PRRT1: variants seen among roughly 807,000 people sequenced by gnomAD.
PRRT1 encodes the protein proline rich transmembrane protein 1.
In PRRT1, 8 loss-of-function variants were observed where a neutral mutation model predicts 22.6. The ratio of observed to expected loss-of-function variants is 0.35; its 90% CI spans 0.21 to 0.64. PRRT1 has a LOEUF of 0.64. PRRT1 is among the 30% of genes least tolerant of loss of function. PRRT1 has a pLI of 0.69. For synonymous variants in PRRT1, 176 were observed against 203.6 expected (o/e 0.86, Z 1.15); for missense variants, 315 against 444.5 (o/e 0.71, Z 2.62).
Position 32,150,225 on chromosome 6 carries a change from C to T in PRRT1, c.558+143G>A, listed in dbSNP as rs1420807419. 5.7e-6 allele frequency: 6 copies of T among 1,050,292 alleles called. No individual in the cohort carries two copies. Among genetic ancestry groups the T allele is most frequent in the Non-Finnish European group, 7.7e-6 (6 of 777,076 alleles). 65.1% of individuals were successfully genotyped at this position (1,050,292 alleles called of 1,614,324 possible). On this transcript the variant is annotated intron_variant, in intron 2 of 3. Transcript: ENST00000211413. The surrounding 1 kb of genome is among the most constrained non-coding windows in gnomAD (Gnocchi z 7.2). ...TCCCTAGTCCTTCCTGTCTCAGGCTCCCTTCTTTCTAGGGCTTGTCCCGGG... is the reference window on the plus strand; with the variant it reads ...TCCCTAGTCCTTCCTGTCTCAGGCTTCCTTCTTTCTAGGGCTTGTCCCGGG...
intron 1 of PRRT1, chr6:32,151,162 C>T: frequency 1.5e-6 from 1 of 688,744 alleles, no homozygotes; most frequent in Middle Eastern, 3.5e-4. Context: ...CTGTCTTTTT[C>T]ATCACCATGC....
upstream of PRRT1, chr6:32,152,248 A>C (rs1369506825): frequency 3.9e-6 from 2 of 518,758 alleles, no homozygotes; most frequent in Non-Finnish European, 7.4e-6. Context: ...TGTGGGAGGA[A>C]GTGAACAGGT....
Position 32,149,115 on chromosome 6 carries a change from A to G in PRRT1, c.*107T>C. Reference sequence around the variant, plus strand: ...GGAGTTTACGATGTATCCAAGTCTGACGGCCCCAGAAACGGGTGTGCAGGG... The same window carrying G: ...GGAGTTTACGATGTATCCAAGTCTGGCGGCCCCAGAAACGGGTGTGCAGGG... On this transcript the variant is annotated 3_prime_UTR_variant, in exon 4 of 4. Transcript: ENST00000211413. The surrounding 1 kb of genome is among the most constrained non-coding windows in gnomAD (Gnocchi z 8.7). 8.5e-7 allele frequency: 1 copy of G among 1,181,654 alleles called. No homozygotes were observed. Among genetic ancestry groups the G allele is most frequent in the Non-Finnish European group, 1.2e-6 (1 of 804,936 alleles). 73.2% of individuals were successfully genotyped at this position (1,181,654 alleles called of 1,614,324 possible). A position where few individuals can be genotyped will look rare whatever the true frequency, so the allele number is the denominator to read the frequency against.
chr6:32,149,278 G>C lies in PRRT1; in HGVS notation c.865C>G (p.Leu289Val). 1 of 1,611,758 alleles carries C rather than the reference G, an allele frequency of 6.2e-7. No homozygotes were observed. Among genetic ancestry groups the C allele is most frequent in the Non-Finnish European group, 8.5e-7 (1 of 1,179,750 alleles). ...GCGGCGATGATGATGACTACGGTGA[G>C]GATGGTACAGAGCACCATGGCCGCG... ...GIAAMVLCTI[L>V]TVVIIIAAQH... Residue 289 changes from leucine to valine, a missense_variant, in exon 4 of 4, where the codon CTC (leucine) becomes GTC (valine). By Grantham distance (32) the Leu-to-Val change is conservative. Transcript: ENST00000211413. The surrounding 1 kb of genome is among the most constrained non-coding windows in gnomAD (Gnocchi z 8.7).
Position 32,150,813 on chromosome 6 carries a change from G to A in PRRT1, c.113C>T (p.Pro38Leu). 6.3e-7 allele frequency: 1 copy of A among 1,575,452 alleles called. No individual in the cohort carries two copies. The highest frequency in any genetic ancestry group is 1.2e-5 in the South Asian group (1 of 85,844). ...EPPAPPPQAA[P>L]SSHHHHHHHY... ...GTGGTGGTGGTGATGGTGTGAGGAA[G>A]GGGCTGCCTGTGGCGGTGGGGCTGG... The change falls in exon 2 of 4, where the codon CCT (proline) becomes CTT (leucine). Residue 38 changes from proline (P) to leucine (L), a missense_variant. Pro to Leu is a moderately conservative substitution (Grantham distance 98). Around this residue, in one of 4 missense-constraint regions of PRRT1, gnomAD observed 263 missense variants for 328.5 expected, o/e 0.80. Transcript: ENST00000211413. This position sits in a 1 kb window ranked among gnomAD's most constrained non-coding sequence, Gnocchi z 7.2.
In PRRT1 at chr6:32,149,434, C is replaced by T. The variant is rs1234703454; in HGVS notation, c.745-36G>A. The T allele has an allele frequency of 6.3e-7, 1 of 1,593,892 alleles. No homozygotes were observed. Among genetic ancestry groups the T allele is most frequent in the East Asian group, 2.2e-5 (1 of 44,474 alleles). On this transcript the variant is annotated intron_variant, in intron 3 of 3. Coordinates refer to ENST00000211413, the MANE Select transcript of PRRT1 (RefSeq NM_030651.4). This position sits in a 1 kb window ranked among gnomAD's most constrained non-coding sequence, Gnocchi z 8.7. ...GGGGTGGGGGAAGGAGGTCAAAGAGCTGCGGCCTCGTTCGAACGCCTCAGC... is the reference window on the plus strand; with the variant it reads ...GGGGTGGGGGAAGGAGGTCAAAGAGTTGCGGCCTCGTTCGAACGCCTCAGC...
chr6:32,150,966 A>T lies in PRRT1; in HGVS notation c.20-60T>A. 1 of 1,341,300 alleles carries T rather than the reference A, an allele frequency of 7.5e-7. No homozygotes were observed. The allele number at this position is 1,341,300 out of a possible 1,614,324, so 83.1% of individuals were successfully genotyped here. ...AAGATGACACAGTGATGAGTTGAGG[A>T]GGGGGTAAGGGGAAACACAGCCGGT... On this transcript the variant is annotated intron_variant, in intron 1 of 3. Transcript: ENST00000211413. This position sits in a 1 kb window ranked among gnomAD's most constrained non-coding sequence, Gnocchi z 7.2.
chr6:32,149,387 G>A lies in PRRT1; in HGVS notation c.756C>T (p.Ala252=), dbSNP rs1783134092. ...CCGACACCATGTCTCCGCGGGCCAA[G>A]GCCGTGCGCACCTACGGAGGAGGGG... ...AIFKAVQVRT[A]LARGDMVSAE... The change falls in exon 4 of 4, where the codon GCC becomes GCT. Residue 252 remains alanine (A), a synonymous_variant. Coordinates refer to ENST00000211413, the MANE Select transcript of PRRT1 (RefSeq NM_030651.4). The surrounding 1 kb of genome is among the most constrained non-coding windows in gnomAD (Gnocchi z 8.7). The A allele has an allele frequency of 6.2e-7, 1 of 1,600,828 alleles. No homozygotes were observed. The highest frequency in any genetic ancestry group is 8.5e-7 in the Non-Finnish European group (1 of 1,170,946).
Position 32,148,454 on chromosome 6 carries a change from G to A in PRRT1, c.*768C>T, listed in dbSNP as rs1783080676. Reference sequence around the variant, plus strand: ...GCGGGGCCGCCGAGGGGAGCGGGGAGCGGGGACTTGGGAGGTCCATAGCCT... The same window carrying A: ...GCGGGGCCGCCGAGGGGAGCGGGGAACGGGGACTTGGGAGGTCCATAGCCT... On this transcript the variant is annotated 3_prime_UTR_variant, in exon 4 of 4. Coordinates refer to ENST00000211413, the MANE Select transcript of PRRT1 (RefSeq NM_030651.4). This position sits in a 1 kb window ranked among gnomAD's most constrained non-coding sequence, Gnocchi z 5.7. 2 of 259,716 alleles carry A rather than the reference G, an allele frequency of 7.7e-6. No homozygotes were observed. The highest frequency in any genetic ancestry group is 8.8e-5 in the South Asian group (2 of 22,754). 16.1% of individuals were successfully genotyped at this position (259,716 alleles called of 1,614,324 possible).
intron 1 of PRRT1, chr6:32,151,394 G>A (rs974146676): frequency 9.7e-6 from 4 of 411,068 alleles, no homozygotes; most frequent in Non-Finnish European, 1.3e-5. Context: ...TGAGAATCTC[G>A]GGACCTCTTT....
rs1260882631 is a variant in PRRT1, at chr6:32,150,317, T to A, written c.558+51A>T. On this transcript the variant is annotated intron_variant, in intron 2 of 3. Coordinates refer to ENST00000211413, the MANE Select transcript of PRRT1 (RefSeq NM_030651.4). This position sits in a 1 kb window ranked among gnomAD's most constrained non-coding sequence, Gnocchi z 7.2. The stretch of plus-strand genomic sequence containing the variant: ...CCCCCAGCGTATCCCCAATTTCAAG[T>A]CCTGTATCGCGTCCCCCTCTTTCCC... 6.5e-7 allele frequency: 1 copy of A among 1,534,684 alleles called. No homozygotes were observed. Among genetic ancestry groups the A allele is most frequent in the Non-Finnish European group, 8.7e-7 (1 of 1,151,350 alleles).
At chr6:32,152,228 G>A, upstream of PRRT1, 1 of 562,782 alleles carries the variant, frequency 1.8e-6, no homozygotes. Context: ...CCAAGACTCA[G>A]TGATTGTATT....
chr6:32,150,477 G>C lies in PRRT1; in HGVS notation c.449C>G (p.Thr150Arg), dbSNP rs754528608. 2 of 1,492,916 alleles carry C rather than the reference G, an allele frequency of 1.3e-6. No individual in the cohort carries two copies. The highest frequency in any genetic ancestry group is 5.4e-5 in the Admixed American group (2 of 37,340). 92.5% of individuals were successfully genotyped at this position (1,492,916 alleles called of 1,614,324 possible). A position where few individuals can be genotyped will look rare whatever the true frequency, so the allele number is the denominator to read the frequency against. The change falls in exon 2 of 4, where the codon ACG (threonine) becomes AGG (arginine). Residue 150 changes from threonine to arginine, a missense_variant. This residue lies in a region of PRRT1 where 263 missense variants were observed against 328.5 expected (regional missense o/e 0.80). Transcript: ENST00000211413. This position sits in a 1 kb window ranked among gnomAD's most constrained non-coding sequence, Gnocchi z 7.2. ...CAGCGTGCCCACAGTCCCCGCGTGC[G>C]TGGGCACCACGAAGCCAGGGGCCTG... ...TAQAPGFVVP[T>R]HAGTVGTLPL...
chr6:32,149,391 G>T lies in PRRT1; in HGVS notation c.752C>A (p.Thr251Lys). 1.3e-6 allele frequency: 2 copies of T among 1,599,136 alleles called. No homozygotes were observed. Among genetic ancestry groups the T allele is most frequent in the Non-Finnish European group, 1.7e-6 (2 of 1,169,730 alleles). The part of the protein sequence containing the change: ...IAIFKAVQVR[T>K]ALARGDMVSA... ...CACCATGTCTCCGCGGGCCAAGGCC[G>T]TGCGCACCTACGGAGGAGGGGTGGG... Residue 251 changes from threonine to lysine, a missense_variant, in exon 4 of 4, where the codon ACG becomes AAG. Physicochemically the swap from Thr to Lys is moderately conservative, Grantham distance 78 (BLOSUM62 -1). Around this residue, in one of 4 missense-constraint regions of PRRT1, gnomAD observed 25 missense variants for 47.8 expected, o/e 0.52. Coordinates refer to ENST00000211413, the MANE Select transcript of PRRT1 (RefSeq NM_030651.4). The surrounding 1 kb of genome is among the most constrained non-coding windows in gnomAD (Gnocchi z 8.7).
At position 32,149,369 on chromosome 6, in the gene PRRT1, C is replaced by T. The variant is rs1252935806; in HGVS notation, c.774G>A (p.Met258Ile). The T allele has an allele frequency of 3.1e-6, 5 of 1,604,466 alleles. No homozygotes were observed. The highest frequency in any genetic ancestry group is 3.4e-6 in the Non-Finnish European group (4 of 1,173,864). Reference protein sequence around the residue: ...QVRTALARGDMVSAEIASREA... With the variant: ...QVRTALARGDIVSAEIASREA... ...CGCGTGAAGCGATCTCGGCCGACAC[C>T]ATGTCTCCGCGGGCCAAGGCCGTGC... The change falls in exon 4 of 4, where the codon ATG becomes ATA. Residue 258 changes from methionine (M) to isoleucine (I), a missense_variant. By Grantham distance (10) the Met-to-Ile change is conservative. Coordinates refer to ENST00000211413, the MANE Select transcript of PRRT1 (RefSeq NM_030651.4). This position sits in a 1 kb window ranked among gnomAD's most constrained non-coding sequence, Gnocchi z 8.7.
chr6:32,151,780 G>A, intron 1 of PRRT1, 29 bp downstream of exon 1: 1 of 1,575,558 alleles, frequency 6.3e-7, no homozygotes, highest in Non-Finnish European at 8.7e-7. Flanking sequence ...GACAGTGGAG[G>A]GGGTGGGAGG....
intron 1 of PRRT1, chr6:32,151,214 A>G (rs1783253065): frequency 1.6e-6 from 1 of 628,770 alleles, no homozygotes. Flanking sequence ...CTCCTTTGCT[A>G]TAGCTGCCTT....
chr6:32,151,151 T>A, intron 1 of PRRT1: 1 of 691,098 alleles, frequency 1.4e-6, no homozygotes. Context: ...CTGCTTCTTT[T>A]CTGTCTTTTT....
chr6:32,149,668 G>T lies in PRRT1; in HGVS notation c.613C>A (p.Pro205Thr). 1 of 1,611,898 alleles carries T rather than the reference G, an allele frequency of 6.2e-7. No homozygotes were observed. Among genetic ancestry groups the T allele is most frequent in the Non-Finnish European group, 8.5e-7 (1 of 1,179,516 alleles). ...AGGGCCAGCCCTGGGCCCTGGGGCG[G>T]CGGGGGGAGAGTGGAGGTCACTCCT... ...GTGVTSTLPPPPQGPGLALLE... is the reference protein window; with the variant it reads ...GTGVTSTLPPTPQGPGLALLE... Residue 205 changes from proline to threonine, a missense_variant, in exon 3 of 4, where the codon CCG becomes ACG. Transcript: ENST00000211413. This position sits in a 1 kb window ranked among gnomAD's most constrained non-coding sequence, Gnocchi z 8.7.
Sources: gnomAD v4.1 joint callset for allele counts on GRCh38, gnomAD v4.1.1 for gene constraint, gnomAD v4.1.1 regional missense constraint, Gnocchi (gnomAD v3.1) non-coding constraint, MANE v1.5 for transcripts, NCBI Gene and HGNC (gene_info 2026-07-23, HGNC 2026-07-21) for gene names.